Variants in SNAP91 observed in about 807,000 individuals in gnomAD.
The protein encoded by SNAP91 is clathrin coat assembly protein AP180.
A neutral mutation model predicts 100.3 loss-of-function variants in SNAP91; 27 were observed. The observed-to-expected ratio is 0.27, with a 90% confidence interval of 0.20 to 0.37. The LOEUF (loss-of-function observed/expected upper bound fraction) is 0.37. SNAP91 is among the 10% of genes least tolerant of loss of function. The pLI, the probability that SNAP91 is intolerant of heterozygous loss-of-function variation, is 1.00. For missense variants in SNAP91, 986 were observed against 1,123.7 expected, an observed-to-expected ratio of 0.88 and a Z score of 1.75; for synonymous variants, 404 against 398.6, an observed-to-expected ratio of 1.01 and a Z score of -0.16.
chr6:83,571,582 A>AC (rs1355267026), intron 26 of SNAP91, among the ~76,000 whole-genome samples: 1 of 152,036 alleles, frequency 6.6e-6, no homozygotes, highest in Non-Finnish European at 1.5e-5. Flanking sequence ...CAAAGCCTGT[A>AC]CCCCCATTGT....
At chr6:83,570,695 G>T (rs1405227887) in intron 26 of SNAP91, among the ~76,000 whole-genome samples, 1 of 152,198 alleles carries the variant, frequency 6.6e-6, no homozygotes, top group African/African-American at 2.4e-5. Flanking sequence ...GCTTCAGAGG[G>T]TGGTAGTCCC....
chr6:83,654,616 C>G (rs1449689408), intron 7 of SNAP91, among the ~76,000 whole-genome samples: 1 of 151,380 alleles, frequency 6.6e-6, no homozygotes, highest in Non-Finnish European at 1.5e-5. Flanking sequence ...CCTCAGTTTT[C>G]TGAATGCATA....
intron 2 of SNAP91, among the ~76,000 whole-genome samples, chr6:83,666,077 G>A (rs2098677433): frequency 6.6e-6 from 1 of 152,042 alleles, no homozygotes; most frequent in South Asian, 2.1e-4. Context: ...ATGAGTGGCA[G>A]GATGAGGTCA....
intron 11 of SNAP91, chr6:83,611,547 T>G (rs1358218819): frequency 2.4e-6 from 1 of 408,426 alleles, no homozygotes; most frequent in Non-Finnish European, 4.8e-6. Context: ...AGGGATGACT[T>G]TTTACTCATC....
intron 11 of SNAP91, among the ~76,000 whole-genome samples, chr6:83,612,238 T>C (rs975802259): frequency 9.2e-5 from 14 of 152,072 alleles, no homozygotes; most frequent in Non-Finnish European, 1.6e-4. Context: ...GGATATACCT[T>C]TATCTATACT....
chr6:83,653,372 A>G (rs1034178920), intron 7 of SNAP91, among the ~76,000 whole-genome samples: 3 of 152,134 alleles, frequency 2.0e-5, no homozygotes, highest in African/African-American at 7.2e-5. Context: ...GGAGGTTTCT[A>G]TTGATATATC....
At chr6:83,666,935 T>C (rs1462980155) in intron 2 of SNAP91, among the ~76,000 whole-genome samples, 1 of 152,090 alleles carries the variant, frequency 6.6e-6, no homozygotes, top group East Asian at 1.9e-4. Context: ...TGTCATAATT[T>C]CTACCATATC....
At chr6:83,689,828 G>A (rs1296925116) in intron 2 of SNAP91, among the ~76,000 whole-genome samples, 1 of 151,872 alleles carries the variant, frequency 6.6e-6, no homozygotes, top group Non-Finnish European at 1.5e-5. Context: ...CTTCATGTTA[G>A]CAGTCTTGCA....
intron 2 of SNAP91, among the ~76,000 whole-genome samples, chr6:83,695,432 C>G (rs1237529229): frequency 6.6e-6 from 1 of 151,950 alleles, no homozygotes; most frequent in East Asian, 1.9e-4. Flanking sequence ...TGGCCAGTAT[C>G]TTATTGTTTG....
chr6:83,707,536 C>CGTCTGTGT (rs1554395357), intron 2 of SNAP91, among the ~76,000 whole-genome samples: 1 of 149,066 alleles, frequency 6.7e-6, no homozygotes, highest in South Asian at 2.1e-4. Context: ...TATACATATG[C>CGTCTGTGT]GTGTGTGTGT....
chr6:83,560,208 G>T lies in SNAP91; in HGVS notation c.2527C>A (p.Pro843Thr), dbSNP rs756442760. ...ATGGGCATGCCTGTCCCAGCAGGAGGCTGAGGAGGAAGAATGGAGAGTGGT... is the reference window on the plus strand; with the variant it reads ...ATGGGCATGCCTGTCCCAGCAGGAGTCTGAGGAGGAAGAATGGAGAGTGGT... ...VGQPGAGFGM[P>T]PAGTGMPMMP... The change falls in exon 28 of 30, where the codon CCT (proline) becomes ACT (threonine). Residue 843 changes from proline (P) to threonine (T), a missense_variant and splice_region_variant. Transcript: ENST00000369694. 1.2e-6 allele frequency: 2 copies of T among 1,612,704 alleles called. No homozygotes were observed. The highest frequency in any genetic ancestry group is 2.2e-5 in the South Asian group (2 of 91,000).
At chr6:83,617,296 T>C (rs1027262139) in intron 9 of SNAP91, among the ~76,000 whole-genome samples, 5 of 152,108 alleles carry the variant, frequency 3.3e-5, no homozygotes, top group Admixed American at 2.6e-4. Flanking sequence ...TTACATTGGA[T>C]AGACTTTTAC....
chr6:83,607,221 G>A (rs1057064506), intron 13 of SNAP91, among the ~76,000 whole-genome samples: 2 of 152,000 alleles, frequency 1.3e-5, no homozygotes, highest in Admixed American at 6.6e-5. Flanking sequence ...GTTCTGATCT[G>A]TAGGTTCTAT....
chr6:83,650,711 C>T (rs896136548), intron 7 of SNAP91, among the ~76,000 whole-genome samples: 6 of 152,220 alleles, frequency 3.9e-5, no homozygotes, highest in Admixed American at 3.3e-4. Flanking sequence ...AGCCATTGCG[C>T]CTGGCCACTT....
intron 2 of SNAP91, among the ~76,000 whole-genome samples, chr6:83,696,926 G>A (rs1187052162): frequency 6.6e-6 from 1 of 152,118 alleles, no homozygotes; most frequent in Admixed American, 6.6e-5. Context: ...ATAATAATGG[G>A]ATTGTGCTAA....
intron 22 of SNAP91, among the ~76,000 whole-genome samples, chr6:83,585,530 TAA>T (rs762315224): frequency 2.2e-4 from 11 of 49,742 alleles, no homozygotes; most frequent in Admixed American, 2.2e-4. Flanking sequence ...CCTTGTTGCT[TAA>T]AAAAAAAAAA....
intron 10 of SNAP91, among the ~76,000 whole-genome samples, chr6:83,615,465 T>C (rs12193281): frequency 0.28 from 42,483 of 152,084 alleles, 6,374 homozygotes; most frequent in South Asian, 0.35. Context: ...CCTAGGCAAC[T>C]CATTTGGCTT....
chr6:83,652,892 C>A (rs2098264446), intron 7 of SNAP91, among the ~76,000 whole-genome samples: 1 of 152,156 alleles, frequency 6.6e-6, no homozygotes, highest in African/African-American at 2.4e-5. Context: ...TGGGTTGTCT[C>A]AGCACTAAAC....
chr6:83,559,641 G>C lies in SNAP91; in HGVS notation c.2631+463C>G, dbSNP rs544966883. 2.6e-5 allele frequency among the ~76,000 whole-genome samples: 4 copies of C among 152,230 alleles called. No individual in the cohort carries two copies. In the South Asian group the frequency reaches 8.3e-4, roughly 32 times the overall value. ...GGGGACTCACAAATATGTGTCTTGCGTCTGGAGTGAGGAGATTCTAAAAGG... is the reference window on the plus strand; with the variant it reads ...GGGGACTCACAAATATGTGTCTTGCCTCTGGAGTGAGGAGATTCTAAAAGG... On this transcript the variant is annotated intron_variant, in intron 28 of 29. Coordinates refer to ENST00000369694, the MANE Select transcript of SNAP91 (RefSeq NM_001242792.2).
Sources: gnomAD v4.1 joint callset for allele counts (sites outside exome capture counted in the v4.1 genomes callset) on GRCh38, gnomAD v4.1.1 for gene constraint, MANE v1.5 for transcripts, NCBI Gene and HGNC (gene_info 2026-07-23, HGNC 2026-07-21) for gene names.